Variants in ATP6V0A4 observed in about 807,000 individuals in gnomAD.
The protein encoded by ATP6V0A4 is V-type proton ATPase 116 kDa subunit a 4.
Under a neutral mutation model 107.3 loss-of-function variants are expected in ATP6V0A4, and 86 were observed. The ratio of observed to expected loss-of-function variants is 0.80; its 90% CI spans 0.67 to 0.96. The LOEUF is 0.96. ATP6V0A4 is among the 40% of genes least tolerant of loss of function. The probability of loss-of-function intolerance (pLI) is 0.00; values close to 1 mark genes in which losing one functional copy is unlikely to be tolerated. For synonymous variants in ATP6V0A4, 353 were observed against 381.4 expected (o/e 0.93, Z 0.87); for missense variants, 908 against 1,045.6 (o/e 0.87, Z 1.81).
chr7:138,723,728 G>C (rs1804558325), intron 18 of ATP6V0A4, among the ~76,000 whole-genome samples: 1 of 151,504 alleles, frequency 6.6e-6, no homozygotes, highest in Non-Finnish European at 1.5e-5. Context: ...GTTTCTCCAT[G>C]CTGGCCAGGG....
intron 3 of ATP6V0A4, 61 bp from the exon 4 acceptor site, chr7:138,769,312 CTTT>C (rs540481545): frequency 3.1e-3 from 4,037 of 1,307,000 alleles, no homozygotes; most frequent in East Asian, 7.1e-3. Context: ...AGATTTCTTT[CTTT>C]TTTTTTTTTT....
chr7:138,716,532 C>T lies in ATP6V0A4; in HGVS notation c.2140-651G>A, dbSNP rs551639113. 6.7e-4 allele frequency among the ~76,000 whole-genome samples: 101 copies of T among 149,702 alleles called. 1 individual carries two copies. The highest frequency in any genetic ancestry group is 2.4e-3 in the African/African-American group (95 of 40,388). ...CAGAACGAAGAAGACAGCCATAGCT[C>T]ATTCTCCCCTCATGCTCTCTGATGT... is the stretch of plus-strand genomic sequence containing the variant. On this transcript the variant is annotated intron_variant, in intron 19 of 21. Transcript: ENST00000310018.
chr7:138,760,001 C>T, intron 7 of ATP6V0A4, 123 bp from the exon 8 acceptor site: 3 of 1,544,770 alleles, frequency 1.9e-6, no homozygotes, highest in Non-Finnish European at 1.8e-6. Flanking sequence ...GCAGGAGGGA[C>T]CCCGACACAG....
At chr7:138,735,931 G>C (rs1805295100) in intron 15 of ATP6V0A4, among the ~76,000 whole-genome samples, 1 of 152,190 alleles carries the variant, frequency 6.6e-6, no homozygotes, top group Non-Finnish European at 1.5e-5. Flanking sequence ...AGCATGGCAT[G>C]GTGGCTTATG....
intron 5 of ATP6V0A4, among the ~76,000 whole-genome samples, chr7:138,766,380 A>G (rs184737668): frequency 6.6e-6 from 1 of 151,370 alleles, no homozygotes; most frequent in Admixed American, 6.6e-5. Flanking sequence ...ATATTTTTGT[A>G]TTTTCAGTAG....
At chr7:138,748,327 G>A (rs1458761453) in intron 12 of ATP6V0A4, among the ~76,000 whole-genome samples, 12 of 152,056 alleles carry the variant, frequency 7.9e-5, no homozygotes, top group Non-Finnish European at 4.4e-5. Context: ...CCACAAATTC[G>A]ACTGGGCCTC....
chr7:138,757,846 A>T (rs3857871), intron 8 of ATP6V0A4, among the ~76,000 whole-genome samples: 44,234 of 152,112 alleles, frequency 0.29, 8,406 homozygotes, highest in African/African-American at 0.54. Context: ...AGTGGACACA[A>T]TAGATATTCC....
chr7:138,757,828 G>A (rs989354510), intron 8 of ATP6V0A4, among the ~76,000 whole-genome samples: 2 of 152,186 alleles, frequency 1.3e-5, no homozygotes, highest in Non-Finnish European at 2.9e-5. Context: ...TCAACGTCAC[G>A]TCAACTCAGT....
rs577243121 is a variant in ATP6V0A4, at chr7:138,707,948, C to T, written c.2430-1231G>A. 6.6e-5 allele frequency among the ~76,000 whole-genome samples: 10 copies of T among 152,068 alleles called. No individual in the cohort carries two copies. In the South Asian group the frequency reaches 8.3e-4, roughly 13 times the overall value. Reference sequence around the variant, plus strand: ...AATGTGGGACTCACATATTATAGAACGCAAAGACCCTTGACCTGTATTTTT... The same window carrying T: ...AATGTGGGACTCACATATTATAGAATGCAAAGACCCTTGACCTGTATTTTT... On this transcript the variant is annotated intron_variant, in intron 21 of 21. Coordinates refer to ENST00000310018, the MANE Select transcript of ATP6V0A4 (RefSeq NM_020632.3).
Position 138,731,722 on chromosome 7 carries a change from G to A in ATP6V0A4, c.1908+1155C>T, listed in dbSNP as rs147903151. 3.0e-3 allele frequency among the ~76,000 whole-genome samples: 454 copies of A among 151,828 alleles called. 2 individuals are homozygous for A. Among genetic ancestry groups the A allele is most frequent in the African/African-American group, 0.01 (428 of 41,414 alleles). ...AGCCTGACCAACATGGTGAAACCCC[G>A]TCTCTACTAAAAATGCAAAAATTAG... is the stretch of plus-strand genomic sequence containing the variant. On this transcript the variant is annotated intron_variant, in intron 17 of 21. Transcript: ENST00000310018.
intron 18 of ATP6V0A4, 130 bp from the exon 19 acceptor site, chr7:138,722,155 T>C: frequency 6.9e-7 from 1 of 1,454,310 alleles, no homozygotes. Flanking sequence ...CTACACTATC[T>C]CATTAAGCCC....
Position 138,786,719 on chromosome 7 carries a change from C to G in ATP6V0A4, c.-120-459G>C, listed in dbSNP as rs557426880. 3.3e-5 allele frequency among the ~76,000 whole-genome samples: 5 copies of G among 152,116 alleles called. No homozygotes were observed. In the South Asian group the frequency reaches 8.3e-4, roughly 25 times the overall value. ...ATGTTGCCCAGGCTGGTCTCAAAGT[C>G]CTGGGCTCAAGCAGCCCTCCCACCT... On this transcript the variant is annotated intron_variant, in intron 1 of 21. Transcript: ENST00000310018.
intron 3 of ATP6V0A4, 126 bp from the exon 4 acceptor site, chr7:138,769,377 C>T (rs533802646): frequency 1.8e-5 from 25 of 1,413,230 alleles, no homozygotes; most frequent in Admixed American, 1.5e-4. Context: ...GGCAATGGCG[C>T]GATCTCAGCT....
chr7:138,756,329 T>C (rs1806509114), intron 9 of ATP6V0A4, 129 bp downstream of exon 9: 19 of 1,495,006 alleles, frequency 1.3e-5, no homozygotes, highest in Non-Finnish European at 1.7e-5. Context: ...GGCTGACTTT[T>C]ATGTGAGAAA....
At chr7:138,743,971 C>G (rs1056801895) in intron 14 of ATP6V0A4, among the ~76,000 whole-genome samples, 12 of 152,126 alleles carry the variant, frequency 7.9e-5, no homozygotes, top group African/African-American at 2.9e-4. Flanking sequence ...GGACCTACCT[C>G]TCAAACTCTA....
chr7:138,775,320 C>A (rs1253058246), intron 2 of ATP6V0A4, among the ~76,000 whole-genome samples: 1 of 152,120 alleles, frequency 6.6e-6, no homozygotes, highest in Non-Finnish European at 1.5e-5. Flanking sequence ...CATATTATTT[C>A]TTTCAAAATA....
chr7:138,716,804 T>TCTGC (rs1804064571), intron 19 of ATP6V0A4, among the ~76,000 whole-genome samples: 1 of 152,130 alleles, frequency 6.6e-6, no homozygotes, highest in Admixed American at 6.6e-5. Flanking sequence ...CCTTAAGCAA[T>TCTGC]CTGCCTGCCT....
intron 21 of ATP6V0A4, among the ~76,000 whole-genome samples, chr7:138,707,858 C>G (rs187725862): frequency 6.6e-6 from 1 of 151,602 alleles, no homozygotes; most frequent in Admixed American, 6.6e-5. Flanking sequence ...ACCCCCATGA[C>G]AAGCCAAGAC....
intron 13 of ATP6V0A4, 51 bp from the exon 14 acceptor site, chr7:138,745,331 C>T (rs746708558): frequency 2.7e-5 from 43 of 1,611,674 alleles, no homozygotes; most frequent in Non-Finnish European, 3.5e-5. Context: ...CTGAAGCAGA[C>T]CCCAGAGGGA....
Sources: gnomAD v4.1 joint callset for allele counts (sites outside exome capture counted in the v4.1 genomes callset) on GRCh38, gnomAD v4.1.1 for gene constraint, MANE v1.5 for transcripts, NCBI Gene and HGNC (gene_info 2026-07-23, HGNC 2026-07-21) for gene names.